Variants in TMEM116 observed in about 807,000 individuals in gnomAD.
TMEM116 encodes the protein transmembrane protein 116.
A neutral mutation model predicts 44.3 loss-of-function variants in TMEM116; 38 were observed. The ratio of observed to expected loss-of-function variants is 0.86; its 90% CI spans 0.66 to 1.12. The LOEUF (loss-of-function observed/expected upper bound fraction) is 1.12. TMEM116 is among the 50% of genes most tolerant of loss of function. TMEM116 has a pLI of 0.00. For synonymous variants in TMEM116, 132 were observed against 144.8 expected, an observed-to-expected ratio of 0.91 and a Z score of 0.64; for missense variants, 354 against 401.7, an observed-to-expected ratio of 0.88 and a Z score of 1.01.
At chr12:111,956,666 G>A (rs956528452) in intron 4 of TMEM116, among the ~76,000 whole-genome samples, 6 of 152,120 alleles carry the variant, frequency 3.9e-5, no homozygotes, top group Admixed American at 6.5e-5. Context: ...GGTGCGCGCC[G>A]CCACACCTGA....
intron 1 of TMEM116, among the ~76,000 whole-genome samples, chr12:112,008,340 G>A (rs1310660000): frequency 5.9e-5 from 9 of 152,132 alleles, no homozygotes; most frequent in African/African-American, 2.2e-4. Context: ...AATTAGCTGG[G>A]TATGGTGGCG....
intron 5 of TMEM116, among the ~76,000 whole-genome samples, chr12:111,940,659 G>A (rs367668802): frequency 2.0e-5 from 3 of 151,494 alleles, no homozygotes; most frequent in African/African-American, 7.3e-5. Context: ...ATATGCATTT[G>A]TATGCATAGA....
At chr12:111,993,890 G>A in intron 3 of TMEM116, 2 of 735,292 alleles carry the variant, frequency 2.7e-6, no homozygotes, top group East Asian at 2.6e-5. Context: ...GTCCTCCAGA[G>A]ACTTGGATTT....
At chr12:112,003,740 T>C (rs2077413456) in intron 3 of TMEM116, 60 bp downstream of exon 3, 1 of 1,484,036 alleles carries the variant, frequency 6.7e-7, no homozygotes, top group African/African-American at 1.4e-5. Flanking sequence ...ACATCTGTTA[T>C]TTGTTTCAGA....
chr12:112,011,638 A>C (rs2077841775), intron 1 of TMEM116: 1 of 152,204 alleles, frequency 6.6e-6, no homozygotes. Context: ...GACTATTGCC[A>C]TACCCCATTA....
chr12:112,004,612 C>T (rs12423960), intron 2 of TMEM116, among the ~76,000 whole-genome samples: 2 of 151,708 alleles, frequency 1.3e-5, no homozygotes, highest in African/African-American at 4.8e-5. Flanking sequence ...ATATAGAATG[C>T]TTCACAAATT....
At chr12:111,972,742 G>A (rs947271722) in intron 4 of TMEM116, among the ~76,000 whole-genome samples, 1 of 152,168 alleles carries the variant, frequency 6.6e-6, no homozygotes, top group Non-Finnish European at 1.5e-5. Flanking sequence ...AGCCAGGTGT[G>A]GTGGCGTGTG....
At chr12:111,966,625 T>C (rs1361821659) in intron 4 of TMEM116, among the ~76,000 whole-genome samples, 1 of 152,222 alleles carries the variant, frequency 6.6e-6, no homozygotes, top group South Asian at 2.1e-4. Context: ...CCACATAAAA[T>C]GGGGCTATGG....
chr12:111,984,640 T>C (rs1192017097), intron 4 of TMEM116, among the ~76,000 whole-genome samples: 4 of 151,994 alleles, frequency 2.6e-5, no homozygotes, highest in African/African-American at 4.8e-5. Context: ...AGGGTGACTA[T>C]AGTGAACAAT....
At chr12:111,944,944 G>A (rs2073130551) in intron 4 of TMEM116, among the ~76,000 whole-genome samples, 1 of 151,970 alleles carries the variant, frequency 6.6e-6, no homozygotes, top group African/African-American at 2.4e-5. Flanking sequence ...GGGTGGTGGT[G>A]TATGCCTGTA....
At chr12:111,964,866 T>A (rs916023248) in intron 4 of TMEM116, among the ~76,000 whole-genome samples, 15 of 151,020 alleles carry the variant, frequency 9.9e-5, no homozygotes, top group East Asian at 1.9e-4. Flanking sequence ...TTAAAAAAAA[T>A]TTTTTTGTAG....
At chr12:111,939,451 CAAAA>C (rs34320561) in intron 5 of TMEM116, among the ~76,000 whole-genome samples, 2 of 72,048 alleles carry the variant, frequency 2.8e-5, no homozygotes, top group African/African-American at 5.1e-5. Context: ...GAATCCGTCT[CAAAA>C]AAAAAAAAAA....
intron 4 of TMEM116, among the ~76,000 whole-genome samples, chr12:111,958,276 CT>C (rs2074305463): frequency 5.7e-5 from 1 of 17,688 alleles, no homozygotes; most frequent in Non-Finnish European, 1.1e-4. Flanking sequence ...TCAATAAATA[CT>C]AAAAAAAAAA....
At chr12:111,953,557 T>C (rs77141687) in intron 4 of TMEM116, among the ~76,000 whole-genome samples, 2,344 of 152,238 alleles carry the variant, frequency 0.015, 71 homozygotes, top group African/African-American at 0.053. Flanking sequence ...AATCACAACA[T>C]TGCACATAGG....
At chr12:111,950,205 G>T (rs1288615243) in intron 4 of TMEM116, among the ~76,000 whole-genome samples, 1 of 152,040 alleles carries the variant, frequency 6.6e-6, no homozygotes, top group Admixed American at 6.6e-5. Flanking sequence ...TGTGCCCGGG[G>T]TATGGGCAAC....
intron 4 of TMEM116, among the ~76,000 whole-genome samples, chr12:111,951,760 C>T (rs1169143231): frequency 6.6e-6 from 1 of 151,900 alleles, no homozygotes; most frequent in Non-Finnish European, 1.5e-5. Flanking sequence ...AACAAACCCC[C>T]ATGACACAAG....
At chr12:112,011,619 T>C (rs916740724) in intron 1 of TMEM116, 2 of 152,248 alleles carry the variant, frequency 1.3e-5, no homozygotes, top group African/African-American at 4.8e-5. Context: ...CCTTAACCTC[T>C]TCCAACTAGA....
intron 4 of TMEM116, among the ~76,000 whole-genome samples, chr12:111,969,552 TGTGCACCATC>T: frequency 6.6e-6 from 1 of 151,306 alleles, no homozygotes; most frequent in South Asian, 2.1e-4. Context: ...ACACCACAGG[TGTGCACCATC>T]ATACCCGGCT....
intron 4 of TMEM116, among the ~76,000 whole-genome samples, chr12:111,944,099 T>A (rs939381526): frequency 1.3e-4 from 20 of 152,018 alleles, no homozygotes; most frequent in African/African-American, 2.4e-4. Context: ...AGATATTTTT[T>A]AAAAAATCCT....
Sources: allele counts gnomAD v4.1 joint callset (sites outside exome capture counted in the v4.1 genomes callset), GRCh38; gene constraint gnomAD v4.1.1; transcripts MANE v1.5; gene names NCBI Gene and HGNC (gene_info 2026-07-23, HGNC 2026-07-21).